HGF: variants seen among roughly 807,000 people sequenced by gnomAD.
HGF encodes the protein fibroblast-derived tumor cytotoxic factor.
Under a neutral mutation model 111.6 loss-of-function variants are expected in HGF, and 39 were observed. The observed-to-expected ratio is 0.35, with a 90% CI of 0.27 to 0.46. The LOEUF (loss-of-function observed/expected upper bound fraction) is 0.46. Among genes scored for constraint, HGF ranks in the 20% least tolerant of loss-of-function variants. The probability of loss-of-function intolerance (pLI) is 1.00; values close to 1 mark genes in which losing one functional copy is unlikely to be tolerated. For missense variants in HGF, 735 were observed against 910.5 expected, an observed-to-expected ratio of 0.81 and a Z score of 2.48; for synonymous variants, 285 against 294.8, an observed-to-expected ratio of 0.97 and a Z score of 0.34.
intron 2 of HGF, among the ~76,000 whole-genome samples, chr7:81,761,005 G>A (rs1053984837): frequency 6.6e-6 from 1 of 152,086 alleles, no homozygotes; most frequent in Admixed American, 6.6e-5. Context: ...TTGAATGGTA[G>A]CAATACTTTC....
At chr7:81,743,014 ACTCC>A in intron 7 of HGF, 1 of 1,399,276 alleles carries the variant, frequency 7.1e-7, no homozygotes, top group African/African-American at 1.4e-5. Flanking sequence ...CCTAGCTTTT[ACTCC>A]CCTAATGACT....
intron 11 of HGF, among the ~76,000 whole-genome samples, chr7:81,715,245 T>G (rs1388829254): frequency 1.3e-5 from 2 of 152,134 alleles, no homozygotes; most frequent in African/African-American, 4.8e-5. Context: ...TTTTTCCTTC[T>G]TCCTACACCA....
At chr7:81,727,206 A>C (rs1790039807) in intron 8 of HGF, among the ~76,000 whole-genome samples, 1 of 56,220 alleles carries the variant, frequency 1.8e-5, no homozygotes, top group East Asian at 4.7e-4. Context: ...ACGCCCGGCT[A>C]ATTGTTTTTT....
chr7:81,710,744 T>G (rs966208319), intron 12 of HGF, among the ~76,000 whole-genome samples: 4 of 152,158 alleles, frequency 2.6e-5, no homozygotes, highest in African/African-American at 9.7e-5. Flanking sequence ...CATATCCAAA[T>G]GATATAATTA....
intron 2 of HGF, among the ~76,000 whole-genome samples, chr7:81,761,210 T>C (rs193111138): frequency 7.4e-4 from 113 of 152,244 alleles, no homozygotes; most frequent in South Asian, 5.2e-3. Context: ...TTTCTAACAA[T>C]AGCAAGGCTT....
At position 81,729,635 on chromosome 7, in the gene HGF, T is replaced by C. The variant is rs1180155587; in HGVS notation, c.1010A>G (p.His337Arg). Residue 337 changes from histidine to arginine, a missense_variant, in exon 8 of 18, where the codon CAT (histidine) becomes CGT (arginine). His to Arg is a conservative substitution (Grantham distance 29, BLOSUM62 0). Around this residue, in one of 3 missense-constraint regions of HGF, gnomAD observed 553 missense variants for 685.6 expected, o/e 0.81. Coordinates refer to ENST00000222390, the MANE Select transcript of HGF (RefSeq NM_000601.6). ...QRWDSQYPHE[H>R]DMTPENFKCK... ...CTTGAAATTTTCAGGAGTCATGTCA[T>C]GCTCGTGAGGATACTGAGAATCCCA... The C allele has an allele frequency of 1.2e-6, 2 of 1,613,994 alleles. No individual in the cohort carries two copies. The highest frequency in any genetic ancestry group is 2.2e-5 in the East Asian group (1 of 44,850).
chr7:81,748,041 G>A (rs114474399), intron 5 of HGF, among the ~76,000 whole-genome samples: 1,690 of 152,252 alleles, frequency 0.011, 31 homozygotes, highest in African/African-American at 0.037. Flanking sequence ...AGTTTTAAGA[G>A]ACTTACCTAA....
At chr7:81,743,301 T>C in intron 7 of HGF, 52 bp downstream of exon 7, 1 of 1,015,476 alleles carries the variant, frequency 9.8e-7, no homozygotes, top group Non-Finnish European at 1.6e-6. Context: ...ATCGCCTGCT[T>C]AGATCCAGTC....
rs549430066 is a variant in HGF at position 81,759,931 on chromosome 7, C to A, written c.255-1127G>T. On this transcript the variant is annotated intron_variant, in intron 2 of 17. Transcript: ENST00000222390. ...TCACTAAAAGAACCTATTTATATAA[C>A]AAAATGATAAATACGCAAAAAAATG... Among the ~76,000 whole-genome samples, 6 of 152,096 alleles carry A rather than the reference C, an allele frequency of 3.9e-5. No homozygotes were observed. In the East Asian group the frequency reaches 7.7e-4, roughly 20 times the overall value.
chr7:81,709,459 TAA>T (rs1389291425), intron 13 of HGF, among the ~76,000 whole-genome samples: 2 of 152,198 alleles, frequency 1.3e-5, no homozygotes, highest in African/African-American at 4.8e-5. Context: ...GATCAGATTT[TAA>T]GTTAACTTAT....
chr7:81,756,160 G>A (rs146527085), intron 4 of HGF: 62 of 630,874 alleles, frequency 9.8e-5, no homozygotes, highest in African/African-American at 8.5e-4. Flanking sequence ...ATGGTGACTG[G>A]GCTTATATTC....
chr7:81,727,660 T>C (rs1407556613), intron 8 of HGF, among the ~76,000 whole-genome samples: 1 of 152,186 alleles, frequency 6.6e-6, no homozygotes, highest in Non-Finnish European at 1.5e-5. Context: ...TTATTTTCTA[T>C]TATTTGGTAG....
Position 81,705,635 on chromosome 7 carries a change from A to G in HGF, c.1864+12T>C, listed in dbSNP as rs777627774. 1.9e-6 allele frequency: 3 copies of G among 1,603,074 alleles called. No homozygotes were observed. In the South Asian group the frequency reaches 3.3e-5, roughly 18 times the overall value. On this transcript the variant is annotated intron_variant, in intron 16 of 17. Transcript: ENST00000222390. Reference sequence around the variant, plus strand: ...AAATAAATATGGCCTCATCTTTTGAAAACTAGCTTACATCCAGTGTAGCCC... The same window carrying G: ...AAATAAATATGGCCTCATCTTTTGAGAACTAGCTTACATCCAGTGTAGCCC...
chr7:81,729,455 T>C lies in HGF; in HGVS notation c.1040+150A>G, dbSNP rs574231081. On this transcript the variant is annotated intron_variant, in intron 8 of 17. Transcript: ENST00000222390. ...CCCAGATTAAGAGAATCAAAATCTC[T>C]GAGTGGAGGTGTAATCTGCCTTTTA... The C allele has an allele frequency of 7.2e-6, 5 of 696,530 alleles. No individual in the cohort carries two copies. In the African/African-American group the frequency reaches 8.8e-5, roughly 12 times the overall value. The allele number at this position is 696,530 out of a possible 1,614,324, so 43.1% of individuals were successfully genotyped here. A position where few individuals can be genotyped will look rare whatever the true frequency, so the allele number is the denominator to read the frequency against.
Position 81,707,274 on chromosome 7 carries a change from T to A in HGF, c.1616+16A>T. On this transcript the variant is annotated intron_variant, in intron 14 of 17. Transcript: ENST00000222390. ...TTTAAAGGCTCAAAATAATACTAGT[T>A]TTAAAAACACTTTACCGAGAAGGGA... 6.7e-7 allele frequency: 1 copy of A among 1,496,024 alleles called. No homozygotes were observed. The highest frequency in any genetic ancestry group is 9.3e-7 in the Non-Finnish European group (1 of 1,073,342). The allele number at this position is 1,496,024 out of a possible 1,614,324, so 92.7% of individuals were successfully genotyped here. A position where few individuals can be genotyped will look rare whatever the true frequency, so the allele number is the denominator to read the frequency against.
intron 5 of HGF, among the ~76,000 whole-genome samples, chr7:81,745,337 G>C (rs953680069): frequency 4.6e-5 from 7 of 151,974 alleles, no homozygotes; most frequent in African/African-American, 1.7e-4. Context: ...TTTGTACTTA[G>C]TGTCACACAG....
chr7:81,707,885 T>C (rs984422314), intron 13 of HGF, among the ~76,000 whole-genome samples: 4 of 152,268 alleles, frequency 2.6e-5, no homozygotes, highest in Non-Finnish European at 5.9e-5. Context: ...AAAATGTAAC[T>C]GAATCTGAAT....
intron 7 of HGF, among the ~76,000 whole-genome samples, chr7:81,732,735 C>T (rs1267386758): frequency 6.6e-6 from 1 of 151,944 alleles, no homozygotes. Context: ...ACGTGATAAT[C>T]AGGAAATATT....
At chr7:81,756,850 A>ATT in intron 4 of HGF, 1 of 311,080 alleles carries the variant, frequency 3.2e-6, no homozygotes, top group Non-Finnish European at 6.1e-6. Context: ...TCTACCTCTG[A>ATT]TTTTTCACAA....
Sources: gnomAD v4.1 joint callset for allele counts (sites outside exome capture counted in the v4.1 genomes callset) on GRCh38, gnomAD v4.1.1 for gene constraint, gnomAD v4.1.1 regional missense constraint, MANE v1.5 for transcripts, NCBI Gene and HGNC (gene_info 2026-07-23, HGNC 2026-07-21) for gene names.